Variants in TMEM67 observed in about 807,000 individuals in gnomAD.
The protein encoded by TMEM67 is meckelin.
In TMEM67, 124 loss-of-function variants were observed where a neutral mutation model predicts 136.6. That is an observed-to-expected ratio of 0.91 (90% CI 0.78 to 1.05). TMEM67 has a LOEUF of 1.05. TMEM67 is among the 50% of genes least tolerant of loss of function. The pLI is 0.00. For synonymous variants in TMEM67, 364 were observed against 390.5 expected, an observed-to-expected ratio of 0.93 and a Z score of 0.80; for missense variants, 1,107 against 1,178.4, an observed-to-expected ratio of 0.94 and a Z score of 0.89.
In TMEM67 at chr8:93,799,732, C is replaced by T; in HGVS notation, c.2215C>T (p.Leu739Phe). The T allele has an allele frequency of 6.2e-7, 1 of 1,613,788 alleles. No individual in the cohort carries two copies. Among genetic ancestry groups the T allele is most frequent in the Non-Finnish European group, 8.5e-7 (1 of 1,179,860 alleles). ...TTTGAGATATGCAGTGTCTGCTGCT[C>T]TTTGGCTAGCCATTGGAATTATACA... Reference protein sequence around the residue: ...CILRYAVSAALWLAIGIIQVV... With the variant: ...CILRYAVSAAFWLAIGIIQVV... Residue 739 changes from leucine (L) to phenylalanine (F), a missense_variant, in exon 21 of 28, where the codon CTT becomes TTT. Physicochemically the swap from Leu to Phe is conservative, Grantham distance 22 (BLOSUM62 0). Around this residue, in one of 3 missense-constraint regions of TMEM67, gnomAD observed 925 missense variants for 1,002.4 expected, o/e 0.92. Transcript: ENST00000453321.
chr8:93,815,989 A>G (rs1294418180), intron 27 of TMEM67, among the ~76,000 whole-genome samples: 1 of 152,252 alleles, frequency 6.6e-6, no homozygotes, highest in Non-Finnish European at 1.5e-5. Context: ...AAGTATATAT[A>G]AGTAAGATGC....
chr8:93,791,404 A>G (rs1452674693), intron 15 of TMEM67, 85 bp downstream of exon 15: 1 of 938,352 alleles, frequency 1.1e-6, no homozygotes, highest in Non-Finnish European at 1.7e-6. Context: ...GCTAAAACAA[A>G]TTTGCCAGCT....
chr8:93,818,344 T>C (rs1808979088), downstream of TMEM67, among the ~76,000 whole-genome samples: 1 of 152,234 alleles, frequency 6.6e-6, no homozygotes, highest in South Asian at 2.1e-4. Context: ...TTGTGTACTT[T>C]GGATGCTCCT....
At chr8:93,806,069 G>A (rs1164145149) in intron 23 of TMEM67, among the ~76,000 whole-genome samples, 1 of 152,124 alleles carries the variant, frequency 6.6e-6, no homozygotes, top group Non-Finnish European at 1.5e-5. Context: ...AAATTAAATA[G>A]CACCATAGGA....
At chr8:93,767,068 A>G (rs1420518699) in intron 6 of TMEM67, among the ~76,000 whole-genome samples, 1 of 152,188 alleles carries the variant, frequency 6.6e-6, no homozygotes, top group African/African-American at 2.4e-5. Context: ...TGAGATCCCC[A>G]ATCATTTAAT....
chr8:93,785,390 A>G lies in TMEM67; in HGVS notation c.1288+12A>G. On this transcript the variant is annotated intron_variant, in intron 12 of 27. Coordinates refer to ENST00000453321, the MANE Select transcript of TMEM67 (RefSeq NM_153704.6). Reference sequence around the variant, plus strand: ...ATTTGTGAACCAAGGTAAGACATCCATACATACCACTCTTTTCCCTGAGCA... The same window carrying G: ...ATTTGTGAACCAAGGTAAGACATCCGTACATACCACTCTTTTCCCTGAGCA... 1 of 1,611,336 alleles carries G rather than the reference A, an allele frequency of 6.2e-7. No individual in the cohort carries two copies. Among genetic ancestry groups the G allele is most frequent in the Non-Finnish European group, 8.5e-7 (1 of 1,178,378 alleles).
chr8:93,782,581 T>C (rs1459195927), intron 11 of TMEM67, 121 bp downstream of exon 11: 15 of 779,050 alleles, frequency 1.9e-5, no homozygotes, highest in Non-Finnish European at 3.0e-5. Context: ...GTTTTTTTTT[T>C]TTTTTTTTTG....
In TMEM67 at chr8:93,818,103, A is replaced by G. The variant is rs1337194120; in HGVS notation, c.*1651A>G. The G allele has an allele frequency of 3.3e-5, 5 of 152,324 alleles. No homozygotes were observed. Among genetic ancestry groups the G allele is most frequent in the Middle Eastern group, 3.4e-3 (1 of 294 alleles). The allele number at this position is 152,324 out of a possible 1,614,324, so 9.4% of individuals were successfully genotyped here. A position where few individuals can be genotyped will look rare whatever the true frequency, so the allele number is the denominator to read the frequency against. Reference sequence around the variant, plus strand: ...TTTTATTTTGGCTAGGTGCATAAAAATGTGTTCAGATTTTCATACACTGTC... The same window carrying G: ...TTTTATTTTGGCTAGGTGCATAAAAGTGTGTTCAGATTTTCATACACTGTC... On this transcript the variant is annotated 3_prime_UTR_variant, in exon 28 of 28. Transcript: ENST00000453321.
intron 16 of TMEM67, 147 bp from the exon 17 acceptor site, chr8:93,795,262 T>A (rs1371501794): frequency 1.4e-6 from 1 of 728,008 alleles, no homozygotes; most frequent in Admixed American, 2.1e-5. Context: ...AAGCAGGTGG[T>A]CTTTATAGCT....
chr8:93,823,331 C>A (rs1809066401), downstream of TMEM67, among the ~76,000 whole-genome samples: 1 of 151,984 alleles, frequency 6.6e-6, no homozygotes, highest in Non-Finnish European at 1.5e-5. Context: ...AGATCCTTAG[C>A]TTAATCACAT....
At chr8:93,821,011 A>G (rs1809033189), downstream of TMEM67, among the ~76,000 whole-genome samples, 1 of 152,224 alleles carries the variant, frequency 6.6e-6, no homozygotes, top group African/African-American at 2.4e-5. Flanking sequence ...ATAATCACAG[A>G]TGATCAGTAG....
chr8:93,830,455 C>T, the TMEM67 span, among the ~76,000 whole-genome samples: 4 of 152,306 alleles, frequency 2.6e-5, no homozygotes, highest in South Asian at 2.1e-4. Flanking sequence ...GAGGCCCTGA[C>T]ATGTGACTGG....
chr8:93,785,944 C>G (rs912067650), intron 12 of TMEM67: 1 of 409,366 alleles, frequency 2.4e-6, no homozygotes, highest in African/African-American at 2.0e-5. Flanking sequence ...ATGGTGCACC[C>G]TTGTAGTCCC....
chr8:93,768,560 A>T lies in TMEM67; in HGVS notation c.651+2914A>T, dbSNP rs965642252. Reference sequence around the variant, plus strand: ...GGTAGGTGGAGGTTGCAGTGAGCCAAGATCGCGCCACTGCACTCCAGCCTG... The same window carrying T: ...GGTAGGTGGAGGTTGCAGTGAGCCATGATCGCGCCACTGCACTCCAGCCTG... On this transcript the variant is annotated intron_variant, in intron 6 of 27. Transcript: ENST00000453321. Among the ~76,000 whole-genome samples the T allele has an allele frequency of 3.3e-5, 5 of 152,156 alleles. No homozygotes were observed. The South Asian group carries it at 1.0e-3, about 32-fold the overall frequency.
chr8:93,806,708 G>A (rs1028403923), intron 23 of TMEM67, among the ~76,000 whole-genome samples: 1 of 151,956 alleles, frequency 6.6e-6, no homozygotes, highest in Non-Finnish European at 1.5e-5. Flanking sequence ...ACATTGAGCT[G>A]GATCACTTGA....
intron 14 of TMEM67, among the ~76,000 whole-genome samples, chr8:93,790,420 C>G (rs181640117): frequency 1.3e-5 from 2 of 152,340 alleles, no homozygotes; most frequent in Admixed American, 6.5e-5. Context: ...ATATCCTGTT[C>G]CATCCCTAAT....
At chr8:93,801,080 CAGAA>C (rs1489361471) in intron 21 of TMEM67, among the ~76,000 whole-genome samples, 1 of 151,796 alleles carries the variant, frequency 6.6e-6, no homozygotes, top group Non-Finnish European at 1.5e-5. Context: ...TACTCATAAA[CAGAA>C]AGAGTCCTTC....
chr8:93,798,533 A>G (rs779339110), intron 20 of TMEM67, among the ~76,000 whole-genome samples: 3 of 152,248 alleles, frequency 2.0e-5, no homozygotes, highest in Non-Finnish European at 4.4e-5. Context: ...TATTAAAGGA[A>G]GTATTCAGTA....
At chr8:93,791,213 T>C in intron 14 of TMEM67, 50 bp from the exon 15 acceptor site, 4 of 1,245,836 alleles carry the variant, frequency 3.2e-6, no homozygotes, top group Non-Finnish European at 4.7e-6. Context: ...AAAAATAAGT[T>C]TGTATCATAT....
Sources: allele counts gnomAD v4.1 joint callset (sites outside exome capture counted in the v4.1 genomes callset), GRCh38; gene constraint gnomAD v4.1.1; regional missense constraint gnomAD v4.1.1; transcripts MANE v1.5; gene names NCBI Gene and HGNC (gene_info 2026-07-23, HGNC 2026-07-21).